PLD5: variants seen among roughly 807,000 people sequenced by gnomAD.
PLD5 encodes inactive phospholipase D5.
A neutral mutation model predicts 61.1 loss-of-function variants in PLD5; 36 were observed. The ratio of observed to expected loss-of-function variants is 0.59; its 90% CI spans 0.45 to 0.78. PLD5 has a LOEUF of 0.78. Among genes scored for constraint, PLD5 ranks in the 30% least tolerant of loss-of-function variants. The probability of loss-of-function intolerance (pLI) is 0.00; values close to 1 mark genes in which losing one functional copy is unlikely to be tolerated. For synonymous variants in PLD5, 243 were observed against 242.8 expected, an observed-to-expected ratio of 1.00 and a Z score of -0.01; for missense variants, 515 against 644.4, an observed-to-expected ratio of 0.80 and a Z score of 2.17.
At chr1:242,475,672 T>G (rs1443156990) in intron 1 of PLD5, among the ~76,000 whole-genome samples, 2 of 151,228 alleles carry the variant, frequency 1.3e-5, no homozygotes, top group African/African-American at 4.9e-5. Flanking sequence ...ACCAAACCCC[T>G]GTGTTGACAT....
At chr1:242,344,398 C>A (rs1206322457) in intron 2 of PLD5, among the ~76,000 whole-genome samples, 3 of 152,136 alleles carry the variant, frequency 2.0e-5, no homozygotes, top group African/African-American at 7.2e-5. Context: ...TGGCAGCAAG[C>A]TCTAACTAAA....
chr1:242,103,323 C>T (rs893451337), intron 8 of PLD5, among the ~76,000 whole-genome samples: 2 of 152,224 alleles, frequency 1.3e-5, no homozygotes, highest in African/African-American at 4.8e-5. Context: ...GGGTTCTGCC[C>T]TGTCCCCTCA....
intron 3 of PLD5, 71 bp from the exon 4 acceptor site, chr1:242,265,519 A>G (rs1369261783): frequency 2.4e-6 from 3 of 1,267,016 alleles, no homozygotes; most frequent in Non-Finnish European, 3.3e-6. Flanking sequence ...AGGTAAAAAT[A>G]AACTCATTAA....
Position 242,360,543 on chromosome 1 carries a change from G to A in PLD5, c.190-12301C>T, listed in dbSNP as rs558955030. Among the ~76,000 whole-genome samples, 12 of 152,118 alleles carry A rather than the reference G, an allele frequency of 7.9e-5. 1 individual carries two copies. In the South Asian group the frequency reaches 2.3e-3, roughly 29 times the overall value. Reference sequence around the variant, plus strand: ...AGAAAACCACTCATAATCCTACTGAGACCTAACTGCCATTTATATTTCATT... The same window carrying A: ...AGAAAACCACTCATAATCCTACTGAAACCTAACTGCCATTTATATTTCATT... On this transcript the variant is annotated intron_variant, in intron 1 of 9. Coordinates refer to ENST00000536534, the MANE Select transcript of PLD5 (RefSeq NM_001372062.1).
At chr1:242,113,392 C>T (rs1490349026) in intron 7 of PLD5, among the ~76,000 whole-genome samples, 1 of 152,122 alleles carries the variant, frequency 6.6e-6, no homozygotes, top group Non-Finnish European at 1.5e-5. Flanking sequence ...CGCACATGGC[C>T]TCTTTCTCCT....
intron 6 of PLD5, among the ~76,000 whole-genome samples, chr1:242,116,549 C>T (rs1015957085): frequency 3.3e-5 from 5 of 152,136 alleles, no homozygotes; most frequent in African/African-American, 4.8e-5. Flanking sequence ...ATAGTTTATC[C>T]ACCCATGTCC....
intron 1 of PLD5, among the ~76,000 whole-genome samples, chr1:242,503,386 A>T (rs1668619784): frequency 6.6e-6 from 1 of 152,204 alleles, no homozygotes; most frequent in African/African-American, 2.4e-5. Flanking sequence ...AAGCTCCCTG[A>T]GGCCTCCTCA....
chr1:242,256,915 CT>C lies in PLD5; in HGVS notation c.607+8421del, dbSNP rs1377173588. ...TCTTTCTCTTTCTTTTTTCATCTATCTATCTATCTATCTATCTAATCTATCT... is the reference window on the plus strand; with the variant it reads ...TCTTTCTCTTTCTTTTTTCATCTATCATCTATCTATCTATCTAATCTATCT... On this transcript the variant is annotated intron_variant, in intron 4 of 9. Transcript: ENST00000536534. This position sits in a 1 kb window ranked among gnomAD's most constrained non-coding sequence, Gnocchi z 5.7. 1.8e-5 allele frequency among the ~76,000 whole-genome samples: 2 copies of C among 113,862 alleles called. No homozygotes were observed. Among genetic ancestry groups the C allele is most frequent in the Non-Finnish European group, 3.5e-5 (2 of 57,098 alleles). 74.7% of individuals were successfully genotyped at this position (113,862 alleles called of 152,430 possible).
At chr1:242,109,866 C>T (rs996964043) in intron 7 of PLD5, among the ~76,000 whole-genome samples, 4 of 151,746 alleles carry the variant, frequency 2.6e-5, no homozygotes, top group Admixed American at 2.0e-4. Context: ...GAGGCAGGAA[C>T]GGTGATCATT....
intron 3 of PLD5, among the ~76,000 whole-genome samples, chr1:242,278,571 G>T (rs1285263086): frequency 6.6e-5 from 10 of 152,218 alleles, no homozygotes. Context: ...AATCCACCGT[G>T]TGAGCTCTGC....
At chr1:242,090,254 GA>G in intron 9 of PLD5, 144 bp from the exon 10 acceptor site, 97 of 1,064,610 alleles carry the variant, frequency 9.1e-5, no homozygotes, top group South Asian at 1.3e-4. Flanking sequence ...TGACAGCTCC[GA>G]AAAAAAAATC....
chr1:242,282,313 A>C (rs1414416835), intron 3 of PLD5, among the ~76,000 whole-genome samples: 1 of 152,136 alleles, frequency 6.6e-6, no homozygotes, highest in African/African-American at 2.4e-5. Flanking sequence ...CACAGCTAAT[A>C]AGTAGGTCAA....
At chr1:242,225,411 G>A (rs971580454) in intron 4 of PLD5, among the ~76,000 whole-genome samples, 2 of 149,146 alleles carry the variant, frequency 1.3e-5, no homozygotes, top group Admixed American at 1.3e-4. Context: ...ACCCATTCAT[G>A]CTGTTATGTG....
chr1:242,140,501 G>T (rs1001375098), intron 5 of PLD5, among the ~76,000 whole-genome samples: 2 of 152,078 alleles, frequency 1.3e-5, no homozygotes, highest in African/African-American at 2.4e-5. Flanking sequence ...GCCAGGCATG[G>T]TGGCATGTAC....
At chr1:242,264,646 G>A (rs528777302) in intron 4 of PLD5, among the ~76,000 whole-genome samples, 3 of 152,228 alleles carry the variant, frequency 2.0e-5, no homozygotes, top group East Asian at 1.9e-4. Context: ...AGGGACGTCC[G>A]GCAGCTTGAA....
Position 242,279,540 on chromosome 1 carries a change from A to T in PLD5, c.495+8822T>A, listed in dbSNP as rs558870067. ...AAATATGTGTATTTTTCTGTCTCTC[A>T]TTTTTTTTTTTCGAGACCGAGTCTT... On this transcript the variant is annotated intron_variant, in intron 3 of 9. Transcript: ENST00000536534. 3.0e-3 allele frequency among the ~76,000 whole-genome samples: 433 copies of T among 146,210 alleles called. 1 individual carries two copies. Among genetic ancestry groups the T allele is most frequent in the Non-Finnish European group, 4.8e-3 (321 of 66,192 alleles).
chr1:242,200,773 C>T (rs567625228), intron 5 of PLD5, among the ~76,000 whole-genome samples: 1 of 152,340 alleles, frequency 6.6e-6, no homozygotes, highest in Admixed American at 6.5e-5. Flanking sequence ...CTTCTGAAGC[C>T]TGTCCTGCAT....
intron 1 of PLD5, among the ~76,000 whole-genome samples, chr1:242,517,879 G>A (rs1669154382): frequency 6.6e-6 from 1 of 152,046 alleles, no homozygotes; most frequent in African/African-American, 2.4e-5. Context: ...TGACTGATGA[G>A]TTTGCCAATT....
At chr1:242,452,017 C>T (rs921943354) in intron 1 of PLD5, among the ~76,000 whole-genome samples, 1 of 152,126 alleles carries the variant, frequency 6.6e-6, no homozygotes, top group Admixed American at 6.5e-5. Context: ...GGCTTCGGCT[C>T]AGTCCTCAAT....
Sources: gnomAD v4.1 joint callset for allele counts (sites outside exome capture counted in the v4.1 genomes callset) on GRCh38, gnomAD v4.1.1 for gene constraint, Gnocchi (gnomAD v3.1) non-coding constraint, MANE v1.5 for transcripts, NCBI Gene and HGNC (gene_info 2026-07-23, HGNC 2026-07-21) for gene names.